PTPRT: variants seen among roughly 807,000 people sequenced by gnomAD.
PTPRT encodes receptor-type tyrosine-protein phosphatase T.
In PTPRT, 56 loss-of-function variants were observed where a neutral mutation model predicts 176.8. The ratio of observed to expected loss-of-function variants is 0.32; its 90% confidence interval spans 0.26 to 0.40. The LOEUF (loss-of-function observed/expected upper bound fraction) is 0.40, where lower values mean the gene tolerates loss of function less well. Ranked by LOEUF, PTPRT falls within the 10% of genes least tolerant of loss-of-function variation. PTPRT has a pLI of 1.00. For missense variants in PTPRT, 1,540 were observed against 1,908.2 expected (o/e 0.81, Z 3.60); for synonymous variants, 783 against 739.0 (o/e 1.06, Z -0.96).
At chr20:42,577,063 A>G (rs891204253) in intron 7 of PTPRT, among the ~76,000 whole-genome samples, 2 of 152,198 alleles carry the variant, frequency 1.3e-5, no homozygotes, top group Admixed American at 6.5e-5. Context: ...GTCAAGCAGT[A>G]TTTTAGAAAC....
At chr20:42,225,527 C>T (rs1053312237) in intron 15 of PTPRT, among the ~76,000 whole-genome samples, 1 of 152,134 alleles carries the variant, frequency 6.6e-6, no homozygotes, top group African/African-American at 2.4e-5. Flanking sequence ...CTTTCTTCCA[C>T]TTCTTTGCCT....
At chr20:42,057,623 C>G in the PTPRT span, among the ~76,000 whole-genome samples, 1 of 152,094 alleles carries the variant, frequency 6.6e-6, no homozygotes, top group Non-Finnish European at 1.5e-5. Flanking sequence ...GGGTCTTGCT[C>G]TGTCACCCAG....
intron 2 of PTPRT, among the ~76,000 whole-genome samples, chr20:42,869,115 C>T (rs2078800796): frequency 6.6e-6 from 1 of 152,216 alleles, no homozygotes; most frequent in Admixed American, 6.5e-5. Flanking sequence ...AGGCAGAGAA[C>T]TGCCAGGGTG....
chr20:43,047,901 G>A (rs1986898892), intron 1 of PTPRT, among the ~76,000 whole-genome samples: 1 of 152,152 alleles, frequency 6.6e-6, no homozygotes, highest in Non-Finnish European at 1.5e-5. Flanking sequence ...CAATGTAAGT[G>A]GAATTTGAAC....
intron 28 of PTPRT, 102 bp downstream of exon 28, chr20:42,085,626 C>T (rs1983810229): frequency 6.6e-7 from 1 of 1,509,354 alleles, no homozygotes; most frequent in Non-Finnish European, 9.0e-7. Flanking sequence ...ATCAGGAGAG[C>T]ACAACACAGA....
chr20:42,101,843 C>T (rs1985965051), intron 26 of PTPRT, among the ~76,000 whole-genome samples: 1 of 152,186 alleles, frequency 6.6e-6, no homozygotes, highest in Admixed American at 6.5e-5. Context: ...GAAGAGGTTG[C>T]TAGGCAGGCC....
chr20:43,088,068 G>A (rs1003697177), intron 1 of PTPRT, among the ~76,000 whole-genome samples: 2 of 150,982 alleles, frequency 1.3e-5, no homozygotes, highest in Non-Finnish European at 2.9e-5. Flanking sequence ...GATCAATGTT[G>A]AGACGATGGA....
At chr20:42,104,195 G>A (rs1056566927) in intron 25 of PTPRT, among the ~76,000 whole-genome samples, 1 of 152,210 alleles carries the variant, frequency 6.6e-6, no homozygotes, top group African/African-American at 2.4e-5. Context: ...AGGGCCAGGT[G>A]TGGTGGCTCC....
chr20:42,293,329 C>T (rs547332432), intron 12 of PTPRT, among the ~76,000 whole-genome samples: 3 of 152,214 alleles, frequency 2.0e-5, no homozygotes, highest in Non-Finnish European at 4.4e-5. Context: ...GTCACTGCTA[C>T]AACTCCATCT....
intron 1 of PTPRT, among the ~76,000 whole-genome samples, chr20:42,981,233 C>T (rs1666084486): frequency 1.3e-5 from 2 of 152,324 alleles, no homozygotes; most frequent in Admixed American, 6.5e-5. Context: ...CCTTCAACTT[C>T]CTTGAACTTC....
chr20:42,442,978 T>A (rs773718102), intron 9 of PTPRT, among the ~76,000 whole-genome samples: 1 of 152,174 alleles, frequency 6.6e-6, no homozygotes. Context: ...CTTCTGCACA[T>A]CCACACCCTG....
chr20:42,217,770 T>C (rs906215648), intron 15 of PTPRT, among the ~76,000 whole-genome samples: 2 of 152,204 alleles, frequency 1.3e-5, no homozygotes, highest in Admixed American at 6.5e-5. Flanking sequence ...AAAATGTCTC[T>C]AGACATTGCA....
chr20:42,328,455 C>T (rs934694683), intron 11 of PTPRT, among the ~76,000 whole-genome samples: 4 of 151,958 alleles, frequency 2.6e-5, no homozygotes, highest in Admixed American at 6.6e-5. Flanking sequence ...TAAATTGGTG[C>T]TCCATAAGTG....
intron 20 of PTPRT, 145 bp downstream of exon 20, chr20:42,119,790 T>C (rs990837124): frequency 3.2e-5 from 21 of 648,228 alleles, no homozygotes; most frequent in Non-Finnish European, 5.0e-5. Context: ...GGAAACTCAT[T>C]CCTCTCCTCC....
intron 8 of PTPRT, among the ~76,000 whole-genome samples, chr20:42,462,726 G>T (rs2071041335): frequency 6.6e-6 from 1 of 152,112 alleles, no homozygotes; most frequent in African/African-American, 2.4e-5. Flanking sequence ...CTCTTGTTTT[G>T]TTTTTTCCTG....
chr20:42,127,730 A>C (rs1343089767), intron 19 of PTPRT, among the ~76,000 whole-genome samples: 1 of 152,208 alleles, frequency 6.6e-6, no homozygotes, highest in Non-Finnish European at 1.5e-5. Flanking sequence ...TTCTGACCTC[A>C]GCAGTCATGC....
chr20:43,014,722 G>A (rs957091886), intron 1 of PTPRT, among the ~76,000 whole-genome samples: 1 of 152,154 alleles, frequency 6.6e-6, no homozygotes, highest in Non-Finnish European at 1.5e-5. Context: ...AGGCTTAATC[G>A]AGCAGTGTTT....
chr20:42,293,864 CA>C (rs1447282677), intron 12 of PTPRT, among the ~76,000 whole-genome samples: 2 of 152,126 alleles, frequency 1.3e-5, no homozygotes, highest in African/African-American at 2.4e-5. Flanking sequence ...TTCCCACAGT[CA>C]ATCAACCATT....
chr20:42,488,794 A>G (rs1289776332), intron 7 of PTPRT, among the ~76,000 whole-genome samples: 1 of 152,062 alleles, frequency 6.6e-6, no homozygotes, highest in Non-Finnish European at 1.5e-5. Flanking sequence ...GAAAAGCCCC[A>G]TCTCTACTAA....
Sources: gnomAD v4.1 joint callset for allele counts (sites outside exome capture counted in the v4.1 genomes callset) on GRCh38, gnomAD v4.1.1 for gene constraint, MANE v1.5 for transcripts, NCBI Gene and HGNC (gene_info 2026-07-23, HGNC 2026-07-21) for gene names.